The following NEK9 variants were observed in gnomAD, a reference collection of about 807,000 sequenced individuals.
NEK9 encodes NIMA related kinase 9.
Under a neutral mutation model 123.4 loss-of-function variants are expected in NEK9, and 75 were observed. That is an observed-to-expected ratio of 0.61 (90% CI 0.50 to 0.74). The LOEUF (loss-of-function observed/expected upper bound fraction) is 0.74, where lower values mean the gene tolerates loss of function less well. Ranked by LOEUF, NEK9 falls within the 30% of genes least tolerant of loss-of-function variation. The probability of loss-of-function intolerance (pLI) is 0.00; values close to 1 mark genes in which losing one functional copy is unlikely to be tolerated. For missense variants in NEK9, 952 were observed against 1,214.4 expected (o/e 0.78, Z 3.21); for synonymous variants, 438 against 458.7 (o/e 0.95, Z 0.58).
At chr14:75,117,841 C>T (rs553985417) in intron 5 of NEK9, among the ~76,000 whole-genome samples, 1 of 152,140 alleles carries the variant, frequency 6.6e-6, no homozygotes, top group East Asian at 1.9e-4. Context: ...TTTCTGACTT[C>T]AAAAATAAAT....
chr14:75,103,273 C>T lies in NEK9; in HGVS notation c.1731+569G>A, dbSNP rs546055052. 8.6e-5 allele frequency among the ~76,000 whole-genome samples: 13 copies of T among 151,158 alleles called. No homozygotes were observed. In the South Asian group the frequency reaches 2.3e-3, roughly 27 times the overall value. On this transcript the variant is annotated intron_variant, in intron 14 of 21. Coordinates refer to ENST00000238616, the MANE Select transcript of NEK9 (RefSeq NM_033116.6). ...TTGAAGACAGAATGGTAATTACATT[C>T]GATAAGCCTAAACAGGATCAGTGAT... is the stretch of plus-strand genomic sequence containing the variant.
At chr14:75,114,126 A>G in intron 7 of NEK9, 77 bp downstream of exon 7, 1 of 1,022,384 alleles carries the variant, frequency 9.8e-7, no homozygotes, top group Non-Finnish European at 1.5e-6. Flanking sequence ...TGTATGGTTT[A>G]TAGCTATGCC....
At chr14:75,127,201 G>C (rs974308453), upstream of NEK9, 4 of 378,742 alleles carry the variant, frequency 1.1e-5, no homozygotes, top group South Asian at 2.1e-4. Context: ...AGGGTTGGCG[G>C]GCGCGTGGTG....
intron 4 of NEK9, among the ~76,000 whole-genome samples, 178 bp downstream of exon 4, chr14:75,120,332 C>T (rs1895282955): frequency 6.6e-6 from 1 of 152,144 alleles, no homozygotes; most frequent in South Asian, 2.1e-4. Context: ...AGATCATAAA[C>T]ATGGTTTAAC....
At chr14:75,106,477 T>C (rs1894779532) in intron 12 of NEK9, 25 bp downstream of exon 12, 1 of 1,611,878 alleles carries the variant, frequency 6.2e-7, no homozygotes, top group African/African-American at 1.3e-5. Context: ...TGTGAAGAAG[T>C]GGACAGAGAC....
chr14:75,109,614 G>T lies in NEK9; in HGVS notation c.1182+71C>A, dbSNP rs1894891897. ...TTAGTATAGGTTCAACTAATAAAAT[G>T]CTTAGACATCGTGGGCCCAGTAAAC... On this transcript the variant is annotated intron_variant, in intron 10 of 21. Transcript: ENST00000238616. The T allele has an allele frequency of 1.3e-5, 18 of 1,380,994 alleles. 1 individual carries two copies. In the South Asian group the frequency reaches 2.2e-4, roughly 17 times the overall value. The allele number at this position is 1,380,994 out of a possible 1,614,324, so 85.5% of individuals were successfully genotyped here.
At chr14:75,097,077 C>T in intron 17 of NEK9, 23 bp downstream of exon 17, 1 of 1,583,418 alleles carries the variant, frequency 6.3e-7, no homozygotes, top group Non-Finnish European at 8.6e-7. Flanking sequence ...GCCATCCCAA[C>T]CCCAGACATA....
chr14:75,101,213 T>C, intron 15 of NEK9, 60 bp from the exon 16 acceptor site: 4 of 1,531,920 alleles, frequency 2.6e-6, no homozygotes, highest in Middle Eastern at 3.6e-4. Flanking sequence ...CCAGAGAAGA[T>C]GCAGCCAAGC....
In NEK9 at chr14:75,109,739, T is replaced by C; in HGVS notation, c.1128A>G (p.Ala376=). The part of the protein sequence containing the change: ...KSGCSARQVC[A]GNTHFAVVTV... ...TGACCACAGCAAAGTGGGTATTCCC[T>C]GCACAGACCTGCCGGGCACTACAGC... Residue 376 remains alanine (A), a synonymous_variant, in exon 10 of 22, where the codon GCA becomes GCG. Transcript: ENST00000238616. 6.2e-7 allele frequency: 1 copy of C among 1,614,146 alleles called. No homozygotes were observed.
chr14:75,106,055 G>C (rs1331441368), intron 12 of NEK9, 59 bp from the exon 13 acceptor site: 1 of 1,464,254 alleles, frequency 6.8e-7, no homozygotes. Flanking sequence ...CAGTGAATAG[G>C]TTCTGTAAGA....
chr14:75,108,852 G>A (rs1219170730), intron 10 of NEK9, among the ~76,000 whole-genome samples: 2 of 152,130 alleles, frequency 1.3e-5, no homozygotes, highest in African/African-American at 4.8e-5. Context: ...ACTACGCCCA[G>A]CCAATAAATG....
intron 2 of NEK9, among the ~76,000 whole-genome samples, chr14:75,121,899 G>A (rs370155763): frequency 3.0e-4 from 46 of 152,260 alleles, no homozygotes; most frequent in African/African-American, 1.1e-3. Flanking sequence ...GGTTACACCT[G>A]TGATGCAATG....
chr14:75,079,465 T>C lies in NEK9; in HGVS notation c.*5099A>G, dbSNP rs1203188404. 3 of 152,174 alleles carry C rather than the reference T, an allele frequency of 2.0e-5. No homozygotes were observed. The highest frequency in any genetic ancestry group is 7.2e-5 in the African/African-American group (3 of 41,438). The allele number at this position is 152,174 out of a possible 1,614,324, so 9.4% of individuals were successfully genotyped here. A position where few individuals can be genotyped will look rare whatever the true frequency, so the allele number is the denominator to read the frequency against. On this transcript the variant is annotated 3_prime_UTR_variant, in exon 22 of 22. Coordinates refer to ENST00000238616, the MANE Select transcript of NEK9 (RefSeq NM_033116.6). The stretch of plus-strand genomic sequence containing the variant: ...CAGAGATAATGGATATTTAACCTAA[T>C]AGGTACATTCCCTAGGCAAGTTCAA...
At chr14:75,100,573 C>T (rs892286686) in intron 16 of NEK9, among the ~76,000 whole-genome samples, 3 of 152,190 alleles carry the variant, frequency 2.0e-5, no homozygotes, top group African/African-American at 7.2e-5. Context: ...CCTTAGCAGT[C>T]CCTATGGACA....
chr14:75,123,809 A>G (rs1413229620), intron 2 of NEK9, among the ~76,000 whole-genome samples: 2 of 152,244 alleles, frequency 1.3e-5, no homozygotes, highest in Non-Finnish European at 2.9e-5. Context: ...AAGAAAAGAT[A>G]GTTTGAAAAT....
intron 6 of NEK9, among the ~76,000 whole-genome samples, chr14:75,115,161 G>C (rs528369702): frequency 2.0e-5 from 3 of 151,464 alleles, no homozygotes; most frequent in African/African-American, 7.3e-5. Context: ...TGTCACCCAG[G>C]CTGGAGTGCA....
intron 17 of NEK9, 46 bp from the exon 18 acceptor site, chr14:75,095,477 C>A: frequency 7.6e-7 from 1 of 1,320,056 alleles, no homozygotes; most frequent in Non-Finnish European, 1.1e-6. Context: ...CTGATATAGG[C>A]AAGAAAAATG....
intron 21 of NEK9, among the ~76,000 whole-genome samples, chr14:75,086,082 G>A (rs1894014172): frequency 6.6e-6 from 1 of 151,706 alleles, no homozygotes; most frequent in Non-Finnish European, 1.5e-5. Flanking sequence ...CCAGCTACTC[G>A]GGAGGCTGAG....
At position 75,101,565 on chromosome 14, in the gene NEK9, G is replaced by A. The variant is rs563194869; in HGVS notation, c.1840+92C>T. ...TAATACTAGATTTTCAGGGGAAATC[G>A]GGATGATATACATATAAAGAAAACC... is the stretch of plus-strand genomic sequence containing the variant. On this transcript the variant is annotated intron_variant, in intron 15 of 21. Transcript: ENST00000238616. 516 of 729,652 alleles carry A rather than the reference G, an allele frequency of 7.1e-4. 2 individuals are homozygous for A. Among genetic ancestry groups the A allele is most frequent in the Middle Eastern group, 2.6e-3 (10 of 3,898 alleles). The allele number at this position is 729,652 out of a possible 1,614,324, so 45.2% of individuals were successfully genotyped here.
Sources: gnomAD v4.1 joint callset for allele counts (sites outside exome capture counted in the v4.1 genomes callset) on GRCh38, gnomAD v4.1.1 for gene constraint, MANE v1.5 for transcripts, NCBI Gene and HGNC (gene_info 2026-07-23, HGNC 2026-07-21) for gene names.